Variants in KCNK2 observed in about 807,000 individuals in gnomAD.
The protein encoded by KCNK2 is potassium two pore domain channel subfamily K member 2.
Under a neutral mutation model 40.5 loss-of-function variants are expected in KCNK2, and 21 were observed. The observed-to-expected ratio is 0.52, with a 90% confidence interval of 0.37 to 0.75. KCNK2 has a LOEUF of 0.75. Among genes scored for constraint, KCNK2 ranks in the 30% least tolerant of loss-of-function variants. The pLI is 0.00. For synonymous variants in KCNK2, 191 were observed against 202.2 expected, an observed-to-expected ratio of 0.94 and a Z score of 0.47; for missense variants, 399 against 531.6, an observed-to-expected ratio of 0.75 and a Z score of 2.45.
At chr1:215,112,331 G>A (rs1467659769) in intron 2 of KCNK2, among the ~76,000 whole-genome samples, 1 of 150,254 alleles carries the variant, frequency 6.7e-6, no homozygotes, top group Admixed American at 6.6e-5. Flanking sequence ...TTTTTTTAAA[G>A]TGCTTAAAAA....
At chr1:215,233,250 T>G (rs973722311) in intron 6 of KCNK2, among the ~76,000 whole-genome samples, 3 of 152,124 alleles carry the variant, frequency 2.0e-5, no homozygotes, top group African/African-American at 7.2e-5. Flanking sequence ...TTGCTTTTTT[T>G]TCAGAGCCAG....
chr1:215,115,761 C>G (rs1194997431), intron 2 of KCNK2, among the ~76,000 whole-genome samples: 1 of 149,818 alleles, frequency 6.7e-6, no homozygotes, highest in African/African-American at 2.5e-5. Context: ...TTTTCTTCCA[C>G]TCATGCTGAG....
chr1:215,232,223 T>C (rs1666694054), intron 6 of KCNK2, among the ~76,000 whole-genome samples: 1 of 152,172 alleles, frequency 6.6e-6, no homozygotes, highest in East Asian at 1.9e-4. Context: ...GATTAAATCA[T>C]GCCATAGCCA....
intron 2 of KCNK2, among the ~76,000 whole-genome samples, chr1:215,098,651 T>G (rs561732196): frequency 2.0e-5 from 3 of 152,120 alleles, no homozygotes; most frequent in African/African-American, 7.2e-5. Context: ...TTATCTACAT[T>G]TTTTAACTGT....
chr1:215,083,709 G>A, intron 1 of KCNK2: 1 of 550,836 alleles, frequency 1.8e-6, no homozygotes, highest in Non-Finnish European at 3.3e-6. Flanking sequence ...TGGAGAAGGA[G>A]GGTCAGCCCT....
intron 1 of KCNK2, among the ~76,000 whole-genome samples, chr1:215,058,786 C>G (rs1183743838): frequency 6.6e-6 from 1 of 152,178 alleles, no homozygotes; most frequent in Non-Finnish European, 1.5e-5. Flanking sequence ...GTTTCTTGAA[C>G]TTGCCAAGTG....
intron 3 of KCNK2, among the ~76,000 whole-genome samples, chr1:215,142,820 A>C (rs1370092930): frequency 6.6e-6 from 1 of 151,752 alleles, no homozygotes; most frequent in African/African-American, 2.4e-5. Context: ...TGCTTTTCTT[A>C]GTTGTCTTTG....
chr1:215,029,580 A>T (rs1284390026), intron 1 of KCNK2, among the ~76,000 whole-genome samples: 3 of 147,096 alleles, frequency 2.0e-5, no homozygotes, highest in Non-Finnish European at 4.5e-5. Flanking sequence ...TAATATATAA[A>T]TATAAATATT....
rs373077705 is a variant in KCNK2 at position 215,212,569 on chromosome 1, C to A, written c.963+17477C>A. 4.3e-4 allele frequency among the ~76,000 whole-genome samples: 66 copies of A among 152,204 alleles called. No homozygotes were observed. In the South Asian group the frequency reaches 0.013, roughly 31 times the overall value. On this transcript the variant is annotated intron_variant, in intron 6 of 6. Transcript: ENST00000444842. ...AAAGGGTGCTTAGAGAAAGTGTGTT[C>A]TTAACATGAAATTAATTCACTATGG...
At chr1:215,027,372 C>T (rs1431225369) in intron 1 of KCNK2, among the ~76,000 whole-genome samples, 1 of 152,014 alleles carries the variant, frequency 6.6e-6, no homozygotes, top group Non-Finnish European at 1.5e-5. Flanking sequence ...TACATTGAGT[C>T]TTGGTTTTGG....
intron 3 of KCNK2, among the ~76,000 whole-genome samples, chr1:215,164,176 G>T (rs563669089): frequency 2.8e-4 from 42 of 152,176 alleles, no homozygotes; most frequent in African/African-American, 9.6e-4. Context: ...GAATTTATCT[G>T]TTTCTTCTAG....
intron 3 of KCNK2, among the ~76,000 whole-genome samples, chr1:215,150,107 G>T (rs370207875): frequency 2.0e-5 from 3 of 152,268 alleles, no homozygotes; most frequent in African/African-American, 7.2e-5. Context: ...TGCAGGAGGG[G>T]TTCAGATCCA....
intron 3 of KCNK2, among the ~76,000 whole-genome samples, chr1:215,148,365 A>G (rs1186369104): frequency 6.6e-6 from 1 of 151,828 alleles, no homozygotes; most frequent in African/African-American, 2.4e-5. Context: ...ATGACCCACC[A>G]TGCCTGTACA....
chr1:215,228,644 G>C (rs1445984443), intron 6 of KCNK2, among the ~76,000 whole-genome samples: 1 of 151,986 alleles, frequency 6.6e-6, no homozygotes, highest in African/African-American at 2.4e-5. Context: ...AGATTGCTTG[G>C]TCATAGGAAG....
chr1:215,037,177 T>C (rs1558064696), intron 1 of KCNK2, among the ~76,000 whole-genome samples: 1 of 151,886 alleles, frequency 6.6e-6, no homozygotes, highest in African/African-American at 2.4e-5. Context: ...TTGTTTGTTT[T>C]CTTTTCGTAG....
At chr1:215,029,296 C>T (rs1035652104) in intron 1 of KCNK2, among the ~76,000 whole-genome samples, 2 of 151,862 alleles carry the variant, frequency 1.3e-5, no homozygotes, top group Admixed American at 6.6e-5. Flanking sequence ...CCCTCCCCGA[C>T]CGCATGGTAA....
intron 1 of KCNK2, among the ~76,000 whole-genome samples, chr1:215,008,824 A>G (rs1656277579): frequency 6.6e-6 from 1 of 152,128 alleles, no homozygotes; most frequent in Non-Finnish European, 1.5e-5. Flanking sequence ...GCAAATCTAC[A>G]TGTGCAGTAA....
Position 215,235,143 on chromosome 1 carries a change from T to C in KCNK2, c.1279T>C (p.Ter427GlnextTer4), listed in dbSNP as rs1377036479. 2 of 1,592,270 alleles carry C rather than the reference T, an allele frequency of 1.3e-6. No homozygotes were observed. Among genetic ancestry groups the C allele is most frequent in the Non-Finnish European group, 1.7e-6 (2 of 1,162,938 alleles). The change falls in exon 7 of 7, where the codon TAG becomes CAG. Residue 427 changes from the stop codon to glutamine (Q), a stop_lost. Transcript: ENST00000444842. ...GATTGCTGTGATTGAGAACATCAAATAGCCCTCTCTTTAAATAACCTTAGG... is the reference window on the plus strand; with the variant it reads ...GATTGCTGTGATTGAGAACATCAAACAGCCCTCTCTTTAAATAACCTTAGG... ...EEIAVIENIK[*>Q]
chr1:215,109,377 G>C (rs943229885), intron 2 of KCNK2, among the ~76,000 whole-genome samples: 14 of 151,798 alleles, frequency 9.2e-5, no homozygotes, highest in African/African-American at 3.1e-4. Context: ...ACCCTTCCTA[G>C]TCTCTAGTGT....
Sources: gnomAD v4.1 joint callset for allele counts (sites outside exome capture counted in the v4.1 genomes callset) on GRCh38, gnomAD v4.1.1 for gene constraint, MANE v1.5 for transcripts, NCBI Gene and HGNC (gene_info 2026-07-23, HGNC 2026-07-21) for gene names.